PHF24: variants seen among roughly 807,000 people sequenced by gnomAD.
PHF24 encodes PHD finger protein 24.
Under a neutral mutation model 42.6 loss-of-function variants are expected in PHF24, and 25 were observed. The ratio of observed to expected loss-of-function variants is 0.59; its 90% CI spans 0.43 to 0.82. The LOEUF is 0.82. Among genes scored for constraint, PHF24 ranks in the 40% least tolerant of loss-of-function variants. The pLI is 0.00. For synonymous variants in PHF24, 185 were observed against 204.8 expected (o/e 0.90, Z 0.83); for missense variants, 470 against 538.1 (o/e 0.87, Z 1.25).
the PHF24 span, among the ~76,000 whole-genome samples, chr9:34,759,401 C>T: frequency 6.6e-6 from 1 of 152,150 alleles, no homozygotes; most frequent in Non-Finnish European, 1.5e-5. Flanking sequence ...TTCCTGAGTG[C>T]AACCTCATGC....
the PHF24 span, chr9:34,665,800 A>G: frequency 1.6e-6 from 1 of 636,172 alleles, no homozygotes; most frequent in Non-Finnish European, 2.8e-6. Context: ...GAGAAGCCTC[A>G]GTTGCCACCA....
the PHF24 span, among the ~76,000 whole-genome samples, chr9:34,848,399 T>G: frequency 6.6e-6 from 1 of 151,776 alleles, no homozygotes; most frequent in Non-Finnish European, 1.5e-5. Context: ...GAGGTGTTTG[T>G]AGTGTTCTCT....
chr9:34,841,109 C>T, the PHF24 span, among the ~76,000 whole-genome samples: 9 of 152,150 alleles, frequency 5.9e-5, no homozygotes, highest in Non-Finnish European at 1.0e-4. Flanking sequence ...ATGCCATTCT[C>T]CTGCCTCAGC....
chr9:34,680,579 T>C, the PHF24 span, among the ~76,000 whole-genome samples: 2 of 146,168 alleles, frequency 1.4e-5, no homozygotes, highest in East Asian at 4.0e-4. Flanking sequence ...TCCCGGCTAC[T>C]TGGGAGGCTG....
the PHF24 span, chr9:34,728,107 T>C: frequency 1.9e-6 from 3 of 1,549,706 alleles, no homozygotes; most frequent in Non-Finnish European, 2.6e-6. Flanking sequence ...GACAGTGTTA[T>C]ATGGCATGGG....
At chr9:34,881,244 A>G in the PHF24 span, among the ~76,000 whole-genome samples, 2 of 152,260 alleles carry the variant, frequency 1.3e-5, no homozygotes, top group East Asian at 1.9e-4. Context: ...CTAAATGCCC[A>G]CAAGAGAAAG....
chr9:34,780,729 C>T, the PHF24 span, among the ~76,000 whole-genome samples: 1 of 152,182 alleles, frequency 6.6e-6, no homozygotes, highest in Non-Finnish European at 1.5e-5. Context: ...GCATTCAGAA[C>T]ATATAAATAA....
chr9:34,817,985 T>C, the PHF24 span, among the ~76,000 whole-genome samples: 1 of 152,214 alleles, frequency 6.6e-6, no homozygotes, highest in Admixed American at 6.5e-5. Context: ...ACTCAAAATT[T>C]TTTTCAAATT....
chr9:34,911,403 G>A, the PHF24 span, among the ~76,000 whole-genome samples: 2,018 of 152,120 alleles, frequency 0.013, 28 homozygotes, highest in Middle Eastern at 0.02. Context: ...ACAGGTGCCC[G>A]CCACCACGCC....
chr9:34,944,690 T>C, the PHF24 span, among the ~76,000 whole-genome samples: 9 of 152,206 alleles, frequency 5.9e-5, no homozygotes, highest in African/African-American at 2.2e-4. Flanking sequence ...TGTAGCATAA[T>C]AGACCTGCCT....
At chr9:34,767,141 G>A in the PHF24 span, among the ~76,000 whole-genome samples, 7 of 152,210 alleles carry the variant, frequency 4.6e-5, no homozygotes, top group Non-Finnish European at 1.0e-4. Context: ...TAGGCTGCTC[G>A]GGGGTCAGGG....
the PHF24 span, among the ~76,000 whole-genome samples, chr9:34,816,865 A>G: frequency 2.0e-5 from 3 of 152,190 alleles, no homozygotes; most frequent in Non-Finnish European, 4.4e-5. Flanking sequence ...AAGTTTGAGC[A>G]ATTTGTTCTT....
chr9:34,922,326 G>T, the PHF24 span: 13 of 1,587,022 alleles, frequency 8.2e-6, no homozygotes, highest in Non-Finnish European at 1.1e-5. Context: ...TTCAGCAATG[G>T]CTTCATCAAA....
the PHF24 span, among the ~76,000 whole-genome samples, chr9:34,791,301 C>T: frequency 2.0e-5 from 3 of 152,262 alleles, no homozygotes; most frequent in Non-Finnish European, 2.9e-5. Context: ...AGAGGGTCAA[C>T]GATGGCACCA....
the PHF24 span, among the ~76,000 whole-genome samples, chr9:34,705,736 T>C: frequency 1.3e-5 from 2 of 152,104 alleles, no homozygotes; most frequent in African/African-American, 4.8e-5. Flanking sequence ...TGATCTTTAA[T>C]GATTTACGTT....
chr9:34,846,561 C>G, the PHF24 span, among the ~76,000 whole-genome samples: 3 of 151,960 alleles, frequency 2.0e-5, no homozygotes, highest in East Asian at 1.9e-4. Context: ...CCTGTTCACT[C>G]TGATGGTAGT....
At chr9:34,666,409 C>T in the PHF24 span, among the ~76,000 whole-genome samples, 3 of 152,046 alleles carry the variant, frequency 2.0e-5, no homozygotes, top group South Asian at 2.1e-4. Flanking sequence ...GACCCTGGGC[C>T]GAGGAGGAAT....
At chr9:34,767,098 T>G in the PHF24 span, among the ~76,000 whole-genome samples, 3 of 152,160 alleles carry the variant, frequency 2.0e-5, no homozygotes, top group African/African-American at 7.2e-5. Flanking sequence ...ATGTGAGGTG[T>G]CAGTCTGCCC....
chr9:34,970,539 A>T (rs1437214032), intron 1 of PHF24, among the ~76,000 whole-genome samples: 2 of 152,218 alleles, frequency 1.3e-5, no homozygotes, highest in African/African-American at 4.8e-5. Flanking sequence ...CTAATTCAGG[A>T]GTCCTCTAAA....
Sources: allele counts gnomAD v4.1 joint callset (sites outside exome capture counted in the v4.1 genomes callset), GRCh38; gene constraint gnomAD v4.1.1; transcripts MANE v1.5; gene names NCBI Gene and HGNC (gene_info 2026-07-23, HGNC 2026-07-21).